MAPT: variants seen among roughly 807,000 people sequenced by gnomAD.
MAPT encodes the protein microtubule associated protein tau.
A neutral mutation model predicts 67.9 loss-of-function variants in MAPT; 34 were observed. The observed-to-expected ratio is 0.50, with a 90% confidence interval of 0.38 to 0.67. The LOEUF (loss-of-function observed/expected upper bound fraction) is 0.67. MAPT is among the 30% of genes least tolerant of loss of function. The probability of loss-of-function intolerance (pLI) is 0.00; values close to 1 mark genes in which losing one functional copy is unlikely to be tolerated. For missense variants in MAPT, 881 were observed against 1,115.2 expected, an observed-to-expected ratio of 0.79 and a Z score of 2.99; for synonymous variants, 456 against 464.5, an observed-to-expected ratio of 0.98 and a Z score of 0.23.
In MAPT at chr17:45,983,848, G is replaced by A. The variant is rs541421492; in HGVS notation, c.1269G>A (p.Glu423=). The change falls in exon 5 of 13, where the codon GAG becomes GAA. Residue 423 remains glutamate (E), a synonymous_variant. Transcript: ENST00000262410. ...RGPSLGEDTK[E]ADLPEPSEKQ... is the part of the protein sequence containing the mutation. The stretch of plus-strand genomic sequence containing the variant: ...CCTCTTTGGGAGAGGACACAAAAGA[G>A]GCTGACCTTCCAGAGCCCTCTGAAA... The A allele has an allele frequency of 1.9e-6, 3 of 1,609,710 alleles. No homozygotes were observed. In the African/African-American group the frequency reaches 4.0e-5, roughly 22 times the overall value.
intron 1 of MAPT, among the ~76,000 whole-genome samples, chr17:45,903,487 A>T (rs955261134): frequency 2.6e-5 from 4 of 151,780 alleles, no homozygotes; most frequent in Non-Finnish European, 5.9e-5. Context: ...TGGGAGGCCG[A>T]GGCGGGCAGA....
intron 2 of MAPT, among the ~76,000 whole-genome samples, chr17:45,970,848 G>C (rs1207335600): frequency 1.3e-5 from 2 of 152,196 alleles, no homozygotes; most frequent in Admixed American, 6.5e-5. Context: ...GCCTGCCCTG[G>C]AGTCTTTTGC....
chr17:45,921,409 T>C (rs2065701204), intron 1 of MAPT, among the ~76,000 whole-genome samples: 1 of 152,170 alleles, frequency 6.6e-6, no homozygotes, highest in Non-Finnish European at 1.5e-5. Flanking sequence ...CATTAGCAGC[T>C]CGGAGAGCTC....
chr17:46,022,480 G>A (rs936381656), intron 12 of MAPT, among the ~76,000 whole-genome samples: 4 of 146,800 alleles, frequency 2.7e-5, no homozygotes, highest in Non-Finnish European at 6.2e-5. Context: ...TTTTCTCTAC[G>A]CCCATTCAAG....
chr17:46,002,151 G>C (rs541261825), intron 9 of MAPT, among the ~76,000 whole-genome samples: 1 of 152,310 alleles, frequency 6.6e-6, no homozygotes, highest in South Asian at 2.1e-4. Context: ...AGAGAGGTTG[G>C]GGCAGCTGCA....
At chr17:45,941,673 C>CTTCCCTCCTTCCTT (rs2067919273) in intron 1 of MAPT, among the ~76,000 whole-genome samples, 1 of 28,456 alleles carries the variant, frequency 3.5e-5, no homozygotes, top group Non-Finnish European at 7.7e-5. Context: ...CCCCCTTCCC[C>CTTCCCTCCTTCCTT]CCTTCCCTCC....
intron 12 of MAPT, among the ~76,000 whole-genome samples, chr17:46,020,873 C>T (rs571675590): frequency 1.3e-5 from 2 of 152,204 alleles, no homozygotes; most frequent in African/African-American, 2.4e-5. Flanking sequence ...CATATCAGGG[C>T]GTCCCAGAAA....
At chr17:45,904,052 T>A (rs1456852504) in intron 1 of MAPT, among the ~76,000 whole-genome samples, 2 of 21,924 alleles carry the variant, frequency 9.1e-5, no homozygotes, top group South Asian at 1.2e-3. Context: ...TTTATATATA[T>A]TATATATTAT....
At chr17:45,979,092 T>A (rs1359251466) in intron 4 of MAPT, 1 of 152,246 alleles carries the variant, frequency 6.6e-6, no homozygotes, top group East Asian at 1.9e-4. Flanking sequence ...GCCTTAACCA[T>A]GTCATCCCCA....
chr17:45,900,567 A>G (rs1273460649), intron 1 of MAPT, among the ~76,000 whole-genome samples: 1 of 152,162 alleles, frequency 6.6e-6, no homozygotes, highest in Non-Finnish European at 1.5e-5. Context: ...AAATCCAAAC[A>G]CCATGTCAGC....
intron 9 of MAPT, among the ~76,000 whole-genome samples, chr17:45,997,178 G>A (rs973488806): frequency 6.6e-6 from 1 of 152,176 alleles, no homozygotes; most frequent in African/African-American, 2.4e-5. Context: ...GTGGGTGCTC[G>A]CGAGCTCTCC....
intron 1 of MAPT, among the ~76,000 whole-genome samples, chr17:45,933,491 T>C (rs548591429): frequency 6.6e-6 from 1 of 152,286 alleles, no homozygotes; most frequent in African/African-American, 2.4e-5. Flanking sequence ...CTGCCCATCT[T>C]GACCTCCCAA....
chr17:45,990,899 TGGTGCTCGCCTCCTCG>T (rs2074006843), intron 7 of MAPT, among the ~76,000 whole-genome samples: 2 of 152,202 alleles, frequency 1.3e-5, no homozygotes, highest in African/African-American at 4.8e-5. Context: ...TCAGTGATGC[TGGTGCTCGCCTCCTCG>T]GGTGCTCGCC....
intron 1 of MAPT, among the ~76,000 whole-genome samples, chr17:45,957,533 C>G (rs2069875212): frequency 6.6e-6 from 1 of 152,226 alleles, no homozygotes. Flanking sequence ...GCAGCCCCAG[C>G]ACTGGCACCC....
chr17:46,021,025 G>A (rs920923609), intron 12 of MAPT, among the ~76,000 whole-genome samples: 2 of 152,126 alleles, frequency 1.3e-5, no homozygotes, highest in African/African-American at 4.8e-5. Context: ...GCCAGTCCCC[G>A]CCCTCCCCTC....
At chr17:45,924,662 TC>T (rs1157421671) in intron 1 of MAPT, among the ~76,000 whole-genome samples, 6 of 152,294 alleles carry the variant, frequency 3.9e-5, no homozygotes, top group East Asian at 1.9e-4. Context: ...GCCGCCCATC[TC>T]AGTCAATAAG....
At chr17:45,985,829 C>A in intron 5 of MAPT, 1 of 538,072 alleles carries the variant, frequency 1.9e-6, no homozygotes, top group Non-Finnish European at 2.4e-6. Flanking sequence ...GTGGGGTAAG[C>A]CTGGGAGTCT....
chr17:45,946,611 A>AT (rs1262409356), intron 1 of MAPT, among the ~76,000 whole-genome samples: 1 of 99,922 alleles, frequency 1.0e-5, no homozygotes, highest in African/African-American at 3.6e-5. Context: ...AAAAAAAAAA[A>AT]AAAAATATAT....
intron 1 of MAPT, among the ~76,000 whole-genome samples, 176 bp from the exon 2 acceptor site, chr17:45,962,145 C>CG (rs2070496809): frequency 6.6e-6 from 1 of 152,220 alleles, no homozygotes; most frequent in Admixed American, 6.5e-5. Context: ...ATGTAAATAA[C>CG]GCTTGGGCAG....
Sources: allele counts gnomAD v4.1 joint callset (sites outside exome capture counted in the v4.1 genomes callset), GRCh38; gene constraint gnomAD v4.1.1; transcripts MANE v1.5; gene names NCBI Gene and HGNC (gene_info 2026-07-23, HGNC 2026-07-21).